The following AGBL4 variants were observed in gnomAD, a reference collection of about 807,000 sequenced individuals.
The protein encoded by AGBL4 is AGBL carboxypeptidase 4.
In AGBL4, 58 loss-of-function variants were observed where a neutral mutation model predicts 66.4. The observed-to-expected ratio is 0.87, with a 90% CI of 0.71 to 1.09. The LOEUF is 1.09. AGBL4 is among the 50% of genes least tolerant of loss of function. The pLI is 0.00. For missense variants in AGBL4, 579 were observed against 631.0 expected (o/e 0.92, Z 0.88); for synonymous variants, 234 against 222.9 (o/e 1.05, Z -0.44).
chr1:49,593,655 C>T (rs1644797467), intron 3 of AGBL4, among the ~76,000 whole-genome samples: 1 of 152,162 alleles, frequency 6.6e-6, no homozygotes, highest in African/African-American at 2.4e-5. Context: ...TACTTATTGT[C>T]TTGCTTGGGG....
At chr1:48,759,513 AC>A in intron 6 of AGBL4, 1 of 858,534 alleles carries the variant, frequency 1.2e-6, no homozygotes, top group Non-Finnish European at 1.7e-6. Context: ...CAAAGTCATA[AC>A]CAGGACACTG....
intron 1 of AGBL4, among the ~76,000 whole-genome samples, chr1:49,909,734 G>A (rs764236147): frequency 3.3e-5 from 5 of 152,100 alleles, no homozygotes; most frequent in Non-Finnish European, 7.4e-5. Context: ...CTAACTGTAG[G>A]GGTAGAAAAG....
chr1:49,487,912 G>A (rs1055087125), intron 3 of AGBL4, among the ~76,000 whole-genome samples: 9 of 151,690 alleles, frequency 5.9e-5, no homozygotes, highest in African/African-American at 2.2e-4. Context: ...ACTAAATGAA[G>A]GCAAAGATAT....
chr1:49,193,634 T>C (rs1047060326), intron 4 of AGBL4, among the ~76,000 whole-genome samples: 6 of 152,030 alleles, frequency 3.9e-5, no homozygotes, highest in Admixed American at 6.6e-5. Context: ...TTCATGCCAT[T>C]CTCTTGCCTC....
chr1:49,906,926 T>C (rs909857018), intron 1 of AGBL4, among the ~76,000 whole-genome samples: 53 of 152,088 alleles, frequency 3.5e-4, no homozygotes, highest in African/African-American at 1.3e-3. Context: ...TACAAGGTCA[T>C]GAAAAAGGTC....
In AGBL4 at chr1:48,539,675, A is replaced by C; in HGVS notation, c.1331T>G (p.Val444Gly). ...FLDYYRLNPVVEKVAIPMPRL... is the reference protein window; with the variant it reads ...FLDYYRLNPVGEKVAIPMPRL... ...CGGCATGGGAATTGCCACCTTTTCAACCACGGGGTTCAGCCGATAATAGTC... is the reference window on the plus strand; with the variant it reads ...CGGCATGGGAATTGCCACCTTTTCACCCACGGGGTTCAGCCGATAATAGTC... The change falls in exon 12 of 14, where the codon GTT (valine) becomes GGT (glycine). Residue 444 changes from valine (V) to glycine (G), a missense_variant. By Grantham distance (109) the Val-to-Gly change is moderately radical. Coordinates refer to ENST00000371839, the MANE Select transcript of AGBL4 (RefSeq NM_032785.4). 1 of 1,544,148 alleles carries C rather than the reference A, an allele frequency of 6.5e-7. No individual in the cohort carries two copies. The highest frequency in any genetic ancestry group is 2.5e-5 in the East Asian group (1 of 40,580).
chr1:49,073,965 A>C (rs1184197395), intron 4 of AGBL4, among the ~76,000 whole-genome samples: 1 of 152,172 alleles, frequency 6.6e-6, no homozygotes, highest in Non-Finnish European at 1.5e-5. Context: ...GGTGGAATCT[A>C]GAGAGGCACC....
chr1:49,904,864 C>T (rs1036885143), intron 1 of AGBL4, among the ~76,000 whole-genome samples: 1 of 152,114 alleles, frequency 6.6e-6, no homozygotes, highest in Non-Finnish European at 1.5e-5. Context: ...AAGTTAACAA[C>T]AATGACACTA....
intron 1 of AGBL4, among the ~76,000 whole-genome samples, chr1:50,020,588 G>GA (rs2148452418): frequency 6.6e-6 from 1 of 152,262 alleles, no homozygotes; most frequent in South Asian, 2.1e-4. Context: ...TCATGGCTAT[G>GA]ATTTCTTCAG....
intron 9 of AGBL4, among the ~76,000 whole-genome samples, chr1:48,602,406 T>C (rs1049490653): frequency 6.6e-6 from 1 of 152,200 alleles, no homozygotes; most frequent in African/African-American, 2.4e-5. Context: ...CTTTGCAGTA[T>C]TCCTGTTGTT....
At chr1:49,987,516 T>A (rs925307283) in intron 1 of AGBL4, among the ~76,000 whole-genome samples, 2 of 151,926 alleles carry the variant, frequency 1.3e-5, no homozygotes, top group African/African-American at 4.8e-5. Context: ...CTAGAAAATG[T>A]GAGGAGAAGC....
At chr1:49,347,280 C>A (rs1238777572) in intron 3 of AGBL4, among the ~76,000 whole-genome samples, 1 of 126,346 alleles carries the variant, frequency 7.9e-6, no homozygotes, top group African/African-American at 3.0e-5. Flanking sequence ...GAGATGGAGT[C>A]TTGCTCTGTC....
At chr1:48,564,035 G>C (rs34995663) in intron 11 of AGBL4, among the ~76,000 whole-genome samples, 16,511 of 152,098 alleles carry the variant, frequency 0.11, 1,383 homozygotes, top group African/African-American at 0.23. Flanking sequence ...ATCAGCCAGG[G>C]GGGTATTGTT....
chr1:49,038,942 G>A (rs942554008), intron 5 of AGBL4, among the ~76,000 whole-genome samples: 1 of 152,028 alleles, frequency 6.6e-6, no homozygotes, highest in Non-Finnish European at 1.5e-5. Flanking sequence ...AAACCTAAAA[G>A]CAACTAAGAT....
chr1:49,454,211 C>G (rs766239551), intron 3 of AGBL4, among the ~76,000 whole-genome samples: 1 of 151,734 alleles, frequency 6.6e-6, no homozygotes, highest in African/African-American at 2.4e-5. Flanking sequence ...AAGAAGGGAA[C>G]CAGCAGAGCA....
intron 6 of AGBL4, among the ~76,000 whole-genome samples, chr1:48,832,070 G>A (rs750228026): frequency 3.3e-5 from 5 of 152,170 alleles, no homozygotes; most frequent in Non-Finnish European, 7.4e-5. Flanking sequence ...AAATGAGTCA[G>A]AGAGATTAAG....
intron 9 of AGBL4, among the ~76,000 whole-genome samples, chr1:48,621,497 GA>G (rs1325172014): frequency 6.6e-6 from 1 of 152,050 alleles, no homozygotes; most frequent in African/African-American, 2.4e-5. Context: ...TATACTTGTG[GA>G]AAATTGTTGG....
intron 4 of AGBL4, among the ~76,000 whole-genome samples, chr1:49,194,382 C>A (rs184168583): frequency 6.6e-6 from 1 of 152,214 alleles, no homozygotes. Flanking sequence ...TTTTTCACCC[C>A]TATACTTTCA....
chr1:48,802,532 C>CTGA (rs764120953), intron 6 of AGBL4, among the ~76,000 whole-genome samples: 15 of 152,158 alleles, frequency 9.9e-5, no homozygotes, highest in Non-Finnish European at 1.2e-4. Context: ...TTGGTGAACT[C>CTGA]TGATGTAAAA....
Sources: allele counts gnomAD v4.1 joint callset (sites outside exome capture counted in the v4.1 genomes callset), GRCh38; gene constraint gnomAD v4.1.1; transcripts MANE v1.5; gene names NCBI Gene and HGNC (gene_info 2026-07-23, HGNC 2026-07-21).